Variants in MICU1 observed in about 807,000 individuals in gnomAD.
The protein encoded by MICU1 is mitochondrial calcium uptake 1.
Under a neutral mutation model 56.8 loss-of-function variants are expected in MICU1, and 45 were observed. That is an observed-to-expected ratio of 0.79 (90% CI 0.62 to 1.02). The LOEUF is 1.02. Among genes scored for constraint, MICU1 ranks in the 50% least tolerant of loss-of-function variants. The pLI is 0.00. For synonymous variants in MICU1, 186 were observed against 195.1 expected (o/e 0.95, Z 0.39); for missense variants, 504 against 587.1 (o/e 0.86, Z 1.46).
intron 5 of MICU1, among the ~76,000 whole-genome samples, chr10:72,515,735 T>C (rs1389427429): frequency 1.3e-5 from 2 of 152,228 alleles, no homozygotes; most frequent in African/African-American, 4.8e-5. Flanking sequence ...TTTGTTACTT[T>C]TTTAAGGAAA....
At chr10:72,538,912 T>C (rs1201915714) in intron 4 of MICU1, among the ~76,000 whole-genome samples, 1 of 151,930 alleles carries the variant, frequency 6.6e-6, no homozygotes, top group South Asian at 2.1e-4. Context: ...AAAAAGATAT[T>C]TGGAAATAGA....
intron 7 of MICU1, chr10:72,475,775 G>T (rs572581833): frequency 4.4e-6 from 2 of 451,622 alleles, no homozygotes; most frequent in South Asian, 3.1e-5. Context: ...TTATAAATAA[G>T]ATTGAAGCAC....
intron 10 of MICU1, among the ~76,000 whole-genome samples, chr10:72,394,379 A>G (rs1371078372): frequency 6.6e-6 from 1 of 152,166 alleles, no homozygotes; most frequent in East Asian, 1.9e-4. Context: ...TAATCCCAGC[A>G]CTTTGGGAGG....
At chr10:72,581,405 G>A (rs572463636) in intron 1 of MICU1, among the ~76,000 whole-genome samples, 1 of 152,256 alleles carries the variant, frequency 6.6e-6, no homozygotes, top group South Asian at 2.1e-4. Flanking sequence ...CAAGGCAGGC[G>A]ATCACTTGAG....
At chr10:72,617,908 G>A (rs535334452) in intron 1 of MICU1, among the ~76,000 whole-genome samples, 1 of 152,178 alleles carries the variant, frequency 6.6e-6, no homozygotes, top group South Asian at 2.1e-4. Flanking sequence ...GCTTACGCCT[G>A]TAATCCTTGC....
chr10:72,383,379 G>A (rs7070518), intron 10 of MICU1, among the ~76,000 whole-genome samples: 84,298 of 152,030 alleles, frequency 0.55, 24,334 homozygotes, highest in Non-Finnish European at 0.65. Context: ...GACAATCAAT[G>A]TCACTAGTTT....
chr10:72,420,986 G>C (rs1864141927), intron 9 of MICU1, among the ~76,000 whole-genome samples: 1 of 124,808 alleles, frequency 8.0e-6, no homozygotes, highest in South Asian at 2.5e-4. Flanking sequence ...TGGGCAACAA[G>C]AGCGAAACTC....
intron 6 of MICU1, among the ~76,000 whole-genome samples, chr10:72,499,780 C>T (rs1391906202): frequency 6.6e-6 from 1 of 152,156 alleles, no homozygotes; most frequent in African/African-American, 2.4e-5. Context: ...ATACATCACT[C>T]GACCTGAAAA....
chr10:72,408,914 A>T (rs1863717833), intron 9 of MICU1, among the ~76,000 whole-genome samples: 1 of 152,218 alleles, frequency 6.6e-6, no homozygotes, highest in South Asian at 2.1e-4. Context: ...ACTTAACTTT[A>T]ATCTAATGAA....
intron 10 of MICU1, among the ~76,000 whole-genome samples, chr10:72,381,928 A>G (rs1004039043): frequency 6.6e-6 from 1 of 150,944 alleles, no homozygotes; most frequent in African/African-American, 2.4e-5. Context: ...GGACAATCAC[A>G]GTTTGGTGGA....
At chr10:72,559,194 A>G (rs1419762125) in intron 3 of MICU1, among the ~76,000 whole-genome samples, 1 of 152,204 alleles carries the variant, frequency 6.6e-6, no homozygotes, top group Non-Finnish European at 1.5e-5. Context: ...TCTCCAAAAA[A>G]GAGAAAAACC....
chr10:72,614,884 T>A (rs541626960), intron 1 of MICU1, among the ~76,000 whole-genome samples: 6 of 152,330 alleles, frequency 3.9e-5, no homozygotes, highest in Admixed American at 3.9e-4. Flanking sequence ...CACTGTACAT[T>A]AAAAATTATT....
At chr10:72,606,798 G>A (rs934712477) in intron 1 of MICU1, among the ~76,000 whole-genome samples, 1 of 152,082 alleles carries the variant, frequency 6.6e-6, no homozygotes, top group African/African-American at 2.4e-5. Flanking sequence ...CTTTCAGTCT[G>A]GGTGGGATTT....
intron 4 of MICU1, among the ~76,000 whole-genome samples, chr10:72,541,556 G>C (rs1463304269): frequency 6.6e-6 from 1 of 152,030 alleles, no homozygotes; most frequent in Non-Finnish European, 1.5e-5. Context: ...CTCAGTGCAT[G>C]AGGACTGTTT....
chr10:72,404,422 G>C (rs1863562719), intron 10 of MICU1, among the ~76,000 whole-genome samples: 2 of 152,058 alleles, frequency 1.3e-5, no homozygotes, highest in African/African-American at 4.8e-5. Flanking sequence ...AAGTAACAAA[G>C]GTATGAGCAG....
intron 7 of MICU1, 112 bp from the exon 8 acceptor site, chr10:72,475,409 A>T: frequency 9.8e-7 from 1 of 1,024,320 alleles, no homozygotes; most frequent in Non-Finnish European, 1.4e-6. Flanking sequence ...CTGTATTATA[A>T]TTATCTCTTT....
At chr10:72,530,327 C>G (rs1839441068) in intron 5 of MICU1, among the ~76,000 whole-genome samples, 1 of 61,844 alleles carries the variant, frequency 1.6e-5, no homozygotes, top group Admixed American at 1.4e-4. Context: ...GAGCGAAACT[C>G]CATATCAAAA....
Position 72,569,231 on chromosome 10 carries a change from A to ATT in MICU1, c.-1-2438_-1-2437insAA, listed in dbSNP as rs1156509426. On this transcript the variant is annotated intron_variant, in intron 1 of 11. Coordinates refer to ENST00000361114, the MANE Select transcript of MICU1 (RefSeq NM_001195518.2). ...CATATATATATATATATATATATAT[A>ATT]TATATATTTTTTTTTTTTTTTGAGA... Among the ~76,000 whole-genome samples, 56 of 39,524 alleles carry ATT rather than the reference A, an allele frequency of 1.4e-3. 1 individual carries two copies. Among genetic ancestry groups the ATT allele is most frequent in the African/African-American group, 2.1e-3 (23 of 11,014 alleles). 25.9% of individuals were successfully genotyped at this position (39,524 alleles called of 152,430 possible). A position where few individuals can be genotyped will look rare whatever the true frequency, so the allele number is the denominator to read the frequency against.
chr10:72,509,362 A>G, intron 5 of MICU1: 2 of 1,332,826 alleles, frequency 1.5e-6, no homozygotes, highest in Non-Finnish European at 9.9e-7. Context: ...GCACCATCAC[A>G]CCAGCATCCA....
Sources: gnomAD v4.1 joint callset for allele counts (sites outside exome capture counted in the v4.1 genomes callset) on GRCh38, gnomAD v4.1.1 for gene constraint, MANE v1.5 for transcripts, NCBI Gene and HGNC (gene_info 2026-07-23, HGNC 2026-07-21) for gene names.